The following PIAS1 variants were observed in gnomAD, a reference collection of about 807,000 sequenced individuals.
PIAS1 encodes protein inhibitor of activated STAT 1, also known as E3 SUMO-protein ligase PIAS1.
PIAS1 carries 6 observed loss-of-function variants against 71.3 expected under a neutral mutation model. The observed-to-expected ratio is 0.08, with a 90% CI of 0.05 to 0.17. The LOEUF (loss-of-function observed/expected upper bound fraction) is 0.17. Ranked by LOEUF, PIAS1 falls within the 10% of genes least tolerant of loss-of-function variation. The pLI is 1.00. For synonymous variants in PIAS1, 303 were observed against 292.9 expected, an observed-to-expected ratio of 1.03 and a Z score of -0.35; for missense variants, 555 against 793.6, an observed-to-expected ratio of 0.70 and a Z score of 3.61.
chr15:68,183,516 A>C (rs2093069113), intron 12 of PIAS1, 114 bp from the exon 13 acceptor site: 2 of 591,504 alleles, frequency 3.4e-6, no homozygotes, highest in Admixed American at 6.4e-5. Flanking sequence ...ATGTTTAAAT[A>C]AAATTCTGAG....
intron 2 of PIAS1, among the ~76,000 whole-genome samples, chr15:68,103,768 T>C (rs1381885565): frequency 6.6e-6 from 1 of 152,252 alleles, no homozygotes; most frequent in Non-Finnish European, 1.5e-5. Context: ...TTCATAAAGT[T>C]GTATGTGCCG....
Position 68,167,299 on chromosome 15 carries a change from A to G in PIAS1, c.1008+2495A>G, listed in dbSNP as rs375402003. On this transcript the variant is annotated intron_variant, in intron 8 of 13. Coordinates refer to ENST00000249636, the MANE Select transcript of PIAS1 (RefSeq NM_016166.3). The surrounding 1 kb of genome is among the most constrained non-coding windows in gnomAD (Gnocchi z 4.4). ...CCCTTACAGTTATTCTGAAATAGTA[A>G]GATCATGTATTTTAGGTATGTTTTT... Among the ~76,000 whole-genome samples the G allele has an allele frequency of 6.6e-6, 1 of 152,166 alleles. No homozygotes were observed. The highest frequency in any genetic ancestry group is 1.5e-5 in the Non-Finnish European group (1 of 68,024).
chr15:68,094,802 G>A (rs1158204228), intron 2 of PIAS1, among the ~76,000 whole-genome samples: 1 of 152,130 alleles, frequency 6.6e-6, no homozygotes, highest in East Asian at 1.9e-4. Flanking sequence ...CTGTAGGTGG[G>A]TTTCTTTGGA....
At chr15:68,131,455 A>G (rs2092687377) in intron 2 of PIAS1, among the ~76,000 whole-genome samples, 1 of 145,802 alleles carries the variant, frequency 6.9e-6, no homozygotes, top group African/African-American at 2.6e-5. Flanking sequence ...AGCTATGTTC[A>G]CTGTGTTGTG....
At chr15:68,148,112 G>A (rs965654313) in intron 6 of PIAS1, among the ~76,000 whole-genome samples, 3 of 152,190 alleles carry the variant, frequency 2.0e-5, no homozygotes, top group Non-Finnish European at 4.4e-5. Flanking sequence ...TACTATAAAA[G>A]AGAAGCACAT....
intron 2 of PIAS1, among the ~76,000 whole-genome samples, chr15:68,132,865 C>T (rs1325989289): frequency 3.9e-5 from 6 of 152,140 alleles, no homozygotes; most frequent in South Asian, 2.1e-4. Flanking sequence ...TTGATTTAAA[C>T]GTAAAAATTA....
intron 1 of PIAS1, among the ~76,000 whole-genome samples, chr15:68,081,460 C>T (rs1196851904): frequency 6.6e-6 from 1 of 152,038 alleles, no homozygotes; most frequent in African/African-American, 2.4e-5. Context: ...ATGCACAGCC[C>T]AGGATTGTCT....
intron 7 of PIAS1, among the ~76,000 whole-genome samples, chr15:68,156,798 G>A (rs1381275606): frequency 3.3e-5 from 5 of 151,150 alleles, no homozygotes; most frequent in African/African-American, 7.3e-5. Context: ...TGACATAGAC[G>A]ATATGAAGAT....
chr15:68,083,456 G>T (rs2092248181), intron 1 of PIAS1, among the ~76,000 whole-genome samples: 1 of 152,110 alleles, frequency 6.6e-6, no homozygotes, highest in Admixed American at 6.6e-5. Flanking sequence ...AGTTGCAATG[G>T]TTAATTTGAA....
chr15:68,101,253 T>A (rs2092422558), intron 2 of PIAS1, among the ~76,000 whole-genome samples: 1 of 152,132 alleles, frequency 6.6e-6, no homozygotes. Context: ...TTGAACATCC[T>A]TTTATTTGTT....
Position 68,076,063 on chromosome 15 carries a change from C to T in PIAS1, c.25-10243C>T, listed in dbSNP as rs11856008. Among the ~76,000 whole-genome samples the T allele has an allele frequency of 1.8e-3, 270 of 152,208 alleles. 1 individual carries two copies. Among genetic ancestry groups the T allele is most frequent in the Non-Finnish European group, 3.1e-3 (210 of 67,996 alleles). ...CTCCCCAAAGTGTTGAGATTACAGGCGTGAGCCACCGCTCCTGGCCACCTA... is the reference window on the plus strand; with the variant it reads ...CTCCCCAAAGTGTTGAGATTACAGGTGTGAGCCACCGCTCCTGGCCACCTA... On this transcript the variant is annotated intron_variant, in intron 1 of 13. Transcript: ENST00000249636.
chr15:68,142,469 A>G (rs1322617340), intron 4 of PIAS1, 132 bp downstream of exon 4: 8 of 684,834 alleles, frequency 1.2e-5, no homozygotes, highest in Non-Finnish European at 1.9e-5. Context: ...CCTTATCAGG[A>G]AGGGGAAATG....
chr15:68,177,983 A>C (rs527734679), intron 11 of PIAS1, among the ~76,000 whole-genome samples: 24 of 152,368 alleles, frequency 1.6e-4, no homozygotes, highest in African/African-American at 4.3e-4. Context: ...CATTGTTACA[A>C]CACCAGATCA....
rs1171053010 is a variant in PIAS1, at chr15:68,188,186, C to T, written c.*351C>T. 1 of 166,220 alleles carries T rather than the reference C, an allele frequency of 6.0e-6. No homozygotes were observed. Among genetic ancestry groups the T allele is most frequent in the African/African-American group, 2.4e-5 (1 of 41,726 alleles). 10.3% of individuals were successfully genotyped at this position (166,220 alleles called of 1,614,324 possible). A position where few individuals can be genotyped will look rare whatever the true frequency, so the allele number is the denominator to read the frequency against. ...GTCCTATGGTTTTGGTTTTATTTGA[C>T]TTCGATGGCATTATTTTATTTGCAA... On this transcript the variant is annotated 3_prime_UTR_variant, in exon 14 of 14. Transcript: ENST00000249636.
intron 10 of PIAS1, 120 bp downstream of exon 10, chr15:68,175,887 T>A: frequency 1.9e-6 from 1 of 534,944 alleles, no homozygotes; most frequent in Non-Finnish European, 2.9e-6. Flanking sequence ...TAATAATTCC[T>A]ATTAACTTAT....
At chr15:68,081,363 G>A (rs190796610) in intron 1 of PIAS1, among the ~76,000 whole-genome samples, 2 of 152,134 alleles carry the variant, frequency 1.3e-5, no homozygotes, top group African/African-American at 4.8e-5. Context: ...CCAGGTTATT[G>A]CCCAGTCATT....
At chr15:68,076,249 G>A (rs71409166) in intron 1 of PIAS1, among the ~76,000 whole-genome samples, 8,558 of 152,146 alleles carry the variant, frequency 0.056, 324 homozygotes, top group South Asian at 0.082. Context: ...GGTGGCTCAC[G>A]AATGTAATCC....
chr15:68,187,518 G>C lies in PIAS1; in HGVS notation c.1663-24G>C, dbSNP rs569698454. ...ATTTGGAAGTATAATTAACATTTTT[G>C]TGTCTTTTGTTTCCCCTCCCTAGCA... On this transcript the variant is annotated intron_variant, in intron 13 of 13. Coordinates refer to ENST00000249636, the MANE Select transcript of PIAS1 (RefSeq NM_016166.3). This position sits in a 1 kb window ranked among gnomAD's most constrained non-coding sequence, Gnocchi z 5.3. The C allele has an allele frequency of 1.2e-6, 2 of 1,601,342 alleles. No homozygotes were observed. The highest frequency in any genetic ancestry group is 2.2e-5 in the East Asian group (1 of 44,676).
In PIAS1 at chr15:68,192,737, C is replaced by G. The variant is rs185568697; in HGVS notation, c.*4902C>G. 6.6e-6 allele frequency: 1 copy of G among 152,282 alleles called. No individual in the cohort carries two copies. Among genetic ancestry groups the G allele is most frequent in the African/African-American group, 2.4e-5 (1 of 41,548 alleles). The allele number at this position is 152,282 out of a possible 1,614,324, so 9.4% of individuals were successfully genotyped here. A position where few individuals can be genotyped will look rare whatever the true frequency, so the allele number is the denominator to read the frequency against. ...TGTACATCCTCCCAAAAGACACATC[C>G]CATTTGATTTGGTTTTCTTCTACTT... On this transcript the variant is annotated 3_prime_UTR_variant, in exon 14 of 14. Transcript: ENST00000249636.
Sources: allele counts gnomAD v4.1 joint callset (sites outside exome capture counted in the v4.1 genomes callset), GRCh38; gene constraint gnomAD v4.1.1; non-coding constraint Gnocchi (gnomAD v3.1); transcripts MANE v1.5; gene names NCBI Gene and HGNC (gene_info 2026-07-23, HGNC 2026-07-21).